ZNF397: variants seen among roughly 807,000 people sequenced by gnomAD.
The protein encoded by ZNF397 is zinc finger and SCAN domain-containing protein 15.
ZNF397 carries 38 observed loss-of-function variants against 50.6 expected under a neutral mutation model. The ratio of observed to expected loss-of-function variants is 0.75; its 90% confidence interval spans 0.58 to 0.98. ZNF397 has a LOEUF of 0.98. Among genes scored for constraint, ZNF397 ranks in the 50% least tolerant of loss-of-function variants. ZNF397 has a pLI of 0.00. For missense variants in ZNF397, 624 were observed against 624.1 expected, an observed-to-expected ratio of 1.00 and a Z score of 0.00; for synonymous variants, 228 against 215.2, an observed-to-expected ratio of 1.06 and a Z score of -0.52.
At chr18:35,257,575 T>C (rs1344266789) in intron 5 of ZNF397, 2 of 276,010 alleles carry the variant, frequency 7.2e-6, no homozygotes, top group African/African-American at 2.2e-5. Context: ...TGCTAGCACC[T>C]TGAACTTCTC....
Position 35,246,678 on chromosome 18 carries a change from G to T in ZNF397, c.*368G>T. 9.9e-7 allele frequency: 1 copy of T among 1,005,564 alleles called. No individual in the cohort carries two copies. Among genetic ancestry groups the T allele is most frequent in the Non-Finnish European group, 1.2e-6 (1 of 842,792 alleles). The allele number at this position is 1,005,564 out of a possible 1,614,324, so 62.3% of individuals were successfully genotyped here. A position where few individuals can be genotyped will look rare whatever the true frequency, so the allele number is the denominator to read the frequency against. ...TGTGCCAGGTTATGGGGCTGGTGTG[G>T]ACTGTGTGAGGCACTTCGTCTCAGG... On this transcript the variant is annotated 3_prime_UTR_variant, in exon 4 of 4. Coordinates refer to ENST00000330501, the MANE Select transcript of ZNF397 (RefSeq NM_001135178.3).
rs753171138 is a variant in ZNF397, at chr18:35,245,936, A to G, written c.1231A>G (p.Lys411Glu). ...ECGKTFSQSS[K>E]LIRHQRIHTG... ...TGGGAAAACCTTTAGCCAGAGCTCAAAACTCATTAGACATCAGCGAATTCA... is the reference window on the plus strand; with the variant it reads ...TGGGAAAACCTTTAGCCAGAGCTCAGAACTCATTAGACATCAGCGAATTCA... Residue 411 changes from lysine to glutamate, a missense_variant, in exon 4 of 4, where the codon AAA becomes GAA. By Grantham distance (56) the Lys-to-Glu change is moderately conservative. Coordinates refer to ENST00000330501, the MANE Select transcript of ZNF397 (RefSeq NM_001135178.3). The G allele has an allele frequency of 1.2e-5, 19 of 1,578,450 alleles. No homozygotes were observed. The Admixed American group carries it at 2.0e-4, about 17-fold the overall frequency.
intron 1 of ZNF397, chr18:35,241,831 C>G (rs1404921556): frequency 1.3e-5 from 2 of 152,088 alleles, no homozygotes; most frequent in African/African-American, 4.8e-5. Flanking sequence ...GATCAAATGA[C>G]AAATATCCAA....
At chr18:35,258,254 G>A (rs1007470420) in exon 6 of ZNF397, 12 of 434,480 alleles carry the variant, frequency 2.8e-5, no homozygotes, top group Middle Eastern at 6.0e-4. Context: ...ATGGGACCAC[G>A]CATAAATGGA....
intron 5 of ZNF397, chr18:35,257,321 A>C (rs1211871948): frequency 2.0e-5 from 3 of 152,682 alleles, no homozygotes; most frequent in Non-Finnish European, 2.9e-5. Flanking sequence ...TCCCTCAGCC[A>C]CTGTGAATGT....
rs1060758 is a variant in ZNF397, at chr18:35,246,672, G to T, written c.*362G>T. 0.47 allele frequency: 474,812 copies of T among 1,014,630 alleles called. 112,776 individuals carry two copies. Among genetic ancestry groups the T allele is most frequent in the Non-Finnish European group, 0.49 (412,485 of 848,220 alleles). 62.9% of individuals were successfully genotyped at this position (1,014,630 alleles called of 1,614,324 possible). A position where few individuals can be genotyped will look rare whatever the true frequency, so the allele number is the denominator to read the frequency against. ...TGTTAGTGTGCCAGGTTATGGGGCT[G>T]GTGTGGACTGTGTGAGGCACTTCGT... is the stretch of plus-strand genomic sequence containing the variant. On this transcript the variant is annotated 3_prime_UTR_variant, in exon 4 of 4. Coordinates refer to ENST00000330501, the MANE Select transcript of ZNF397 (RefSeq NM_001135178.3).
intron 5 of ZNF397, chr18:35,257,201 T>C (rs2043858377): frequency 6.6e-6 from 1 of 152,402 alleles, no homozygotes. Context: ...TCCTTTTAAC[T>C]AGGGATGTGG....
rs2043524438 is a variant in ZNF397 at position 35,248,912 on chromosome 18, T to C, written c.*2602T>C. On this transcript the variant is annotated 3_prime_UTR_variant, in exon 4 of 4. Coordinates refer to ENST00000330501, the MANE Select transcript of ZNF397 (RefSeq NM_001135178.3). ...GCTTTGTATATACTTATTATTGTTA[T>C]TTCTCAGCACGTATGTAGCAGATGA... The C allele has an allele frequency of 6.6e-6, 1 of 152,192 alleles. No individual in the cohort carries two copies. Among genetic ancestry groups the C allele is most frequent in the Admixed American group, 6.5e-5 (1 of 15,270 alleles). 9.4% of individuals were successfully genotyped at this position (152,192 alleles called of 1,614,324 possible).
chr18:35,252,834 G>A (rs1306821144), downstream of ZNF397: 1 of 152,796 alleles, frequency 6.5e-6, no homozygotes, highest in Non-Finnish European at 1.5e-5. Flanking sequence ...CACATAGCAG[G>A]TGCTCAATAA....
intron 3 of ZNF397, among the ~76,000 whole-genome samples, chr18:35,244,786 CAGTA>C (rs1399356711): frequency 6.6e-6 from 1 of 151,798 alleles, no homozygotes; most frequent in Non-Finnish European, 1.5e-5. Flanking sequence ...CGGGGGAGGA[CAGTA>C]AGGCAGAAAC....
At chr18:35,254,107 A>C (rs752210273), downstream of ZNF397, 35 of 1,614,098 alleles carry the variant, frequency 2.2e-5, no homozygotes, top group Non-Finnish European at 2.5e-5. Context: ...CTTCACTCTC[A>C]TGAGATTCAA....
intron 5 of ZNF397, among the ~76,000 whole-genome samples, chr18:35,255,323 T>C (rs1391128654): frequency 6.6e-6 from 1 of 151,642 alleles, no homozygotes. Flanking sequence ...TATCTAGAGA[T>C]TTCTAGTAAC....
chr18:35,258,955 A>G (rs1158042261), downstream of ZNF397: 1 of 149,386 alleles, frequency 6.7e-6, no homozygotes, highest in Non-Finnish European at 1.5e-5. Flanking sequence ...TTTTATGAGG[A>G]CTCTGTAAAC....
chr18:35,254,111 G>T (rs757994486), downstream of ZNF397: 2 of 1,613,994 alleles, frequency 1.2e-6, no homozygotes, highest in East Asian at 4.5e-5. Context: ...ACTCTCATGA[G>T]ATTCAAGGAC....
At chr18:35,252,278 A>T (rs1285299117), downstream of ZNF397, 6 of 152,240 alleles carry the variant, frequency 3.9e-5, no homozygotes, top group African/African-American at 1.4e-4. Flanking sequence ...GTATATACAC[A>T]GGGAAAGAAT....
chr18:35,242,602 C>G lies in ZNF397; in HGVS notation c.132C>G (p.Ser44=). The G allele has an allele frequency of 6.2e-7, 1 of 1,614,206 alleles. No homozygotes were observed. Among genetic ancestry groups the G allele is most frequent in the Non-Finnish European group, 8.5e-7 (1 of 1,180,044 alleles). Residue 44 remains serine (S), a synonymous_variant, in exon 2 of 4, where the codon TCC becomes TCG. Coordinates refer to ENST00000330501, the MANE Select transcript of ZNF397 (RefSeq NM_001135178.3). ...TTAAGCAGAATGGGAGTACTCAATCCTGCCAAGAATTGTTTCGTCAGCAAT... is the reference window on the plus strand; with the variant it reads ...TTAAGCAGAATGGGAGTACTCAATCGTGCCAAGAATTGTTTCGTCAGCAAT... ...EKFKQNGSTQ[S]CQELFRQQFR... is the part of the protein sequence containing the mutation.
chr18:35,257,781 G>C (rs116295705), intron 5 of ZNF397: 1 of 720,922 alleles, frequency 1.4e-6, no homozygotes, highest in Non-Finnish European at 2.6e-6. Flanking sequence ...CCATCTCTGC[G>C]TCAAGAAGAG....
In ZNF397 at chr18:35,243,197, A is replaced by G. The variant is rs764265545; in HGVS notation, c.460A>G (p.Thr154Ala). ...ACCAGCAGTGCCATGGAAGGATTTAACATGTCTCAGAGCATCCCAAGAGTC... is the reference window on the plus strand; with the variant it reads ...ACCAGCAGTGCCATGGAAGGATTTAGCATGTCTCAGAGCATCCCAAGAGTC... Reference protein sequence around the residue: ...QGPAVPWKDLTCLRASQESTD... With the variant: ...QGPAVPWKDLACLRASQESTD... Residue 154 changes from threonine (T) to alanine (A), a missense_variant, in exon 3 of 4, where the codon ACA becomes GCA. Transcript: ENST00000330501. 6.8e-6 allele frequency: 11 copies of G among 1,614,224 alleles called. No individual in the cohort carries two copies. The highest frequency in any genetic ancestry group is 9.3e-6 in the Non-Finnish European group (11 of 1,180,034).
Position 35,249,102 on chromosome 18 carries a change from C to T in ZNF397, c.*2792C>T, listed in dbSNP as rs1419479695. The T allele has an allele frequency of 2.6e-5, 4 of 151,998 alleles. No individual in the cohort carries two copies. The South Asian group carries it at 6.2e-4, about 24-fold the overall frequency. The allele number at this position is 151,998 out of a possible 1,614,324, so 9.4% of individuals were successfully genotyped here. On this transcript the variant is annotated 3_prime_UTR_variant, in exon 4 of 4. Transcript: ENST00000330501. ...AAATCACAAAATAAGTGCCAATGAA[C>T]AATAAATGTTCAACCTCACTACAGT...
Sources: allele counts gnomAD v4.1 joint callset (sites outside exome capture counted in the v4.1 genomes callset), GRCh38; gene constraint gnomAD v4.1.1; transcripts MANE v1.5; gene names NCBI Gene and HGNC (gene_info 2026-07-23, HGNC 2026-07-21).